Variants in USP24 observed in about 807,000 individuals in gnomAD.
USP24 encodes ubiquitin carboxyl-terminal hydrolase 24.
A neutral mutation model predicts 361.6 loss-of-function variants in USP24; 97 were observed. That is an observed-to-expected ratio of 0.27 (90% CI 0.23 to 0.32). The LOEUF is 0.32. Ranked by LOEUF, USP24 falls within the 10% of genes least tolerant of loss-of-function variation. The probability of loss-of-function intolerance (pLI) is 1.00; values close to 1 mark genes in which losing one functional copy is unlikely to be tolerated. For synonymous variants in USP24, 1,098 were observed against 1,124.6 expected (o/e 0.98, Z 0.47); for missense variants, 2,353 against 3,165.6 (o/e 0.74, Z 6.16).
chr1:55,075,429 AT>A (rs1557525340), intron 63 of USP24, 27 bp downstream of exon 63: 1 of 1,576,514 alleles, frequency 6.3e-7, no homozygotes, highest in Non-Finnish European at 8.6e-7. Context: ...TACTATAGAC[AT>A]TTGTGCATAA....
At chr1:55,202,861 C>G (rs914611269) in intron 1 of USP24, among the ~76,000 whole-genome samples, 12 of 152,182 alleles carry the variant, frequency 7.9e-5, no homozygotes, top group Non-Finnish European at 2.9e-5. Context: ...TTCCTCAACT[C>G]CCACCGTCTT....
chr1:55,092,160 CACA>C (rs763259263), intron 53 of USP24, 34 bp from the exon 54 acceptor site: 2 of 1,480,788 alleles, frequency 1.4e-6, no homozygotes, highest in African/African-American at 3.2e-5. Context: ...GGATATTTTT[CACA>C]GAAGTTTTAT....
At position 55,095,251 on chromosome 1, in the gene USP24, T is replaced by C; in HGVS notation, c.6203+4A>G. 6.2e-7 allele frequency: 1 copy of C among 1,613,482 alleles called. No homozygotes were observed. Among genetic ancestry groups the C allele is most frequent in the Non-Finnish European group, 8.5e-7 (1 of 1,179,676 alleles). On this transcript the variant is annotated splice_donor_region_variant and intron_variant, in intron 51 of 67. Coordinates refer to ENST00000294383, the MANE Select transcript of USP24 (RefSeq NM_015306.3). ...ACAGCAAATTACATGGAAGAGACAC[T>C]TACAGAGAGAGATCCTCAGCTTCCT... is the stretch of plus-strand genomic sequence containing the variant.
At chr1:55,077,678 C>A (rs1419950045) in intron 61 of USP24, among the ~76,000 whole-genome samples, 2 of 152,070 alleles carry the variant, frequency 1.3e-5, no homozygotes, top group African/African-American at 4.8e-5. Flanking sequence ...ATGCTATGAA[C>A]AAAGTACATA....
At chr1:55,206,657 T>TAAA (rs34127046) in intron 1 of USP24, among the ~76,000 whole-genome samples, 5,021 of 130,374 alleles carry the variant, frequency 0.039, 321 homozygotes, top group African/African-American at 0.13. Context: ...AGAAAAACAG[T>TAAA]AAAAAAAAAA....
chr1:55,165,993 A>C (rs1648807243), intron 6 of USP24, 43 bp from the exon 7 acceptor site: 1 of 1,555,642 alleles, frequency 6.4e-7, no homozygotes, highest in Non-Finnish European at 8.7e-7. Context: ...TTTCTCTTTA[A>C]TTTTTTTATT....
intron 59 of USP24, 80 bp downstream of exon 59, chr1:55,081,242 A>G (rs1378253134): frequency 7.2e-7 from 1 of 1,385,390 alleles, no homozygotes; most frequent in Non-Finnish European, 1.0e-6. Flanking sequence ...AACAAGAGAC[A>G]TTCATTTACT....
At chr1:55,151,699 T>C (rs779213734) in intron 16 of USP24, among the ~76,000 whole-genome samples, 22 of 152,040 alleles carry the variant, frequency 1.4e-4, no homozygotes, top group Non-Finnish European at 2.1e-4. Flanking sequence ...GTGGAAGGTA[T>C]AGAAGCAGCA....
chr1:55,210,497 T>A (rs994959648), intron 1 of USP24, among the ~76,000 whole-genome samples: 2 of 152,188 alleles, frequency 1.3e-5, no homozygotes, highest in African/African-American at 4.8e-5. Context: ...ACTAGGGTTG[T>A]TGTATTTTAG....
intron 6 of USP24, among the ~76,000 whole-genome samples, chr1:55,166,306 G>A (rs1002545381): frequency 6.6e-6 from 1 of 151,838 alleles, no homozygotes; most frequent in African/African-American, 2.4e-5. Flanking sequence ...GTTGTGCTCC[G>A]TAACATTGGT....
intron 23 of USP24, among the ~76,000 whole-genome samples, chr1:55,142,231 A>C (rs1646909709): frequency 6.6e-6 from 1 of 152,196 alleles, no homozygotes; most frequent in Non-Finnish European, 1.5e-5. Context: ...TTTAACCGTC[A>C]TGCTGGAAAT....
intron 66 of USP24, 36 bp downstream of exon 66, chr1:55,072,281 G>T (rs754598490): frequency 1.1e-5 from 17 of 1,584,094 alleles, no homozygotes; most frequent in Admixed American, 1.7e-5. Context: ...CTCCATAAGT[G>T]ATTTAGACCA....
intron 1 of USP24, among the ~76,000 whole-genome samples, chr1:55,210,966 T>G (rs1644832784): frequency 6.6e-6 from 1 of 152,230 alleles, no homozygotes; most frequent in Admixed American, 6.5e-5. Context: ...ACTTAATGAA[T>G]AAGGTATTCA....
At chr1:55,192,010 G>A (rs1332767038) in intron 1 of USP24, among the ~76,000 whole-genome samples, 1 of 152,150 alleles carries the variant, frequency 6.6e-6, no homozygotes, top group Non-Finnish European at 1.5e-5. Flanking sequence ...TTGCCCGTTT[G>A]AAAAACGCAA....
intron 32 of USP24, among the ~76,000 whole-genome samples, 185 bp from the exon 33 acceptor site, chr1:55,125,943 C>A (rs1001107766): frequency 6.6e-6 from 1 of 152,178 alleles, no homozygotes; most frequent in Non-Finnish European, 1.5e-5. Flanking sequence ...CCTAACTATT[C>A]TCCCTGCTTC....
At chr1:55,177,889 C>A in intron 2 of USP24, 78 bp downstream of exon 2, 3 of 1,359,490 alleles carry the variant, frequency 2.2e-6, no homozygotes, top group South Asian at 1.4e-5. Flanking sequence ...CACAGCTAGG[C>A]AACAACAAAG....
At chr1:55,157,833 CAAAA>C (rs1179133312) in intron 10 of USP24, among the ~76,000 whole-genome samples, 2 of 77,702 alleles carry the variant, frequency 2.6e-5, no homozygotes. Flanking sequence ...GACTCCATCT[CAAAA>C]AAAAAAAAAA....
At position 55,083,296 on chromosome 1, in the gene USP24, T is replaced by A. The variant is rs542046810; in HGVS notation, c.6951A>T (p.Leu2317=). ...CCTGATTGTTTTGCCGACTGGCCCC[T>A]AGGAGGAAGCTGATCATGTGCCGCA... ...SALRHMISFL[L]GASRQNNQIR... is the part of the protein sequence containing the mutation. The change falls in exon 58 of 68, where the codon CTA becomes CTT. Residue 2317 remains leucine, a synonymous_variant. Transcript: ENST00000294383. 6.2e-7 allele frequency: 1 copy of A among 1,613,706 alleles called. No homozygotes were observed. Among genetic ancestry groups the A allele is most frequent in the Non-Finnish European group, 8.5e-7 (1 of 1,179,706 alleles).
intron 1 of USP24, among the ~76,000 whole-genome samples, chr1:55,202,206 A>G (rs1644593950): frequency 1.3e-5 from 2 of 152,366 alleles, no homozygotes; most frequent in Non-Finnish European, 2.9e-5. Context: ...TATTTACACC[A>G]TTCCAAGGTA....
Sources: gnomAD v4.1 joint callset for allele counts (sites outside exome capture counted in the v4.1 genomes callset) on GRCh38, gnomAD v4.1.1 for gene constraint, MANE v1.5 for transcripts, NCBI Gene and HGNC (gene_info 2026-07-23, HGNC 2026-07-21) for gene names.